Variants in GSE1 observed in about 807,000 individuals in gnomAD.
GSE1 encodes the protein Gse1 coiled-coil protein, also known as genetic suppressor element 1.
In GSE1, 32 loss-of-function variants were observed where a neutral mutation model predicts 112.6. The ratio of observed to expected loss-of-function variants is 0.28; its 90% CI spans 0.21 to 0.38. GSE1 has a LOEUF of 0.38. Ranked by LOEUF, GSE1 falls within the 10% of genes least tolerant of loss-of-function variation. GSE1 has a pLI of 1.00. For missense variants in GSE1, 2,348 were observed against 1,699.2 expected, an observed-to-expected ratio of 1.38 and a Z score of -6.71; for synonymous variants, 1,115 against 735.6, an observed-to-expected ratio of 1.52 and a Z score of -8.35.
chr16:85,361,114 G>C (rs927530510), intron 2 of GSE1, among the ~76,000 whole-genome samples: 18 of 132,926 alleles, frequency 1.4e-4, no homozygotes, highest in South Asian at 7.6e-4. Context: ...GGCAGAGACA[G>C]ACAGAGACAG....
At chr16:85,248,062 T>G (rs1906051953) in intron 1 of GSE1, among the ~76,000 whole-genome samples, 1 of 152,180 alleles carries the variant, frequency 6.6e-6, no homozygotes, top group African/African-American at 2.4e-5. Flanking sequence ...CCCAGCTCTG[T>G]CCACCTGCCT....
intron 2 of GSE1, among the ~76,000 whole-genome samples, chr16:85,493,519 C>T (rs1025577131): frequency 5.9e-5 from 9 of 151,924 alleles, no homozygotes; most frequent in East Asian, 3.9e-4. Flanking sequence ...TTTGGGAGGC[C>T]GAGGCAGGCG....
intron 1 of GSE1, among the ~76,000 whole-genome samples, chr16:85,319,107 AGTATCGC>A (rs1216451421): frequency 6.6e-6 from 1 of 152,152 alleles, no homozygotes; most frequent in Non-Finnish European, 1.5e-5. Flanking sequence ...ATAGGCCCTC[AGTATCGC>A]TCACCCCCTC....
intron 2 of GSE1, among the ~76,000 whole-genome samples, chr16:85,524,964 C>T (rs1029418778): frequency 2.4e-4 from 36 of 152,300 alleles, no homozygotes; most frequent in African/African-American, 7.7e-4. Flanking sequence ...AGTGAGTCCC[C>T]GCCATGCCCG....
intron 1 of GSE1, among the ~76,000 whole-genome samples, chr16:85,351,854 G>T (rs767868273): frequency 9.9e-5 from 15 of 152,228 alleles, no homozygotes; most frequent in Non-Finnish European, 8.8e-5. Context: ...GCTGGGCCTG[G>T]TGGCGGCCAC....
At chr16:85,210,941 G>A (rs929733902) in intron 1 of GSE1, among the ~76,000 whole-genome samples, 11 of 152,182 alleles carry the variant, frequency 7.2e-5, no homozygotes, top group African/African-American at 1.2e-4. Flanking sequence ...TCTGGGCCTC[G>A]GGTTCCTTCT....
intron 2 of GSE1, among the ~76,000 whole-genome samples, chr16:85,531,663 C>G (rs139621379): frequency 6.1e-4 from 93 of 152,360 alleles, no homozygotes; most frequent in African/African-American, 2.1e-3. Context: ...GCCGGGATGT[C>G]TTTTGTGTGA....
chr16:85,331,373 GTA>G (rs376286455), intron 1 of GSE1, among the ~76,000 whole-genome samples: 17 of 84,442 alleles, frequency 2.0e-4, no homozygotes, highest in Non-Finnish European at 2.9e-4. Flanking sequence ...GTGTATATAT[GTA>G]TATATATGTA....
chr16:85,498,466 C>T (rs1276551761), intron 2 of GSE1, among the ~76,000 whole-genome samples: 1 of 152,130 alleles, frequency 6.6e-6, no homozygotes, highest in Non-Finnish European at 1.5e-5. Flanking sequence ...TGTGCATATA[C>T]ATGCATAGAT....
Position 85,673,935 on chromosome 16 carries a change from C to G in GSE1, c.*1396C>G, listed in dbSNP as rs1383384142. The G allele has an allele frequency of 6.6e-6, 1 of 152,248 alleles. No individual in the cohort carries two copies. Among genetic ancestry groups the G allele is most frequent in the Non-Finnish European group, 1.5e-5 (1 of 68,052 alleles). The allele number at this position is 152,248 out of a possible 1,614,324, so 9.4% of individuals were successfully genotyped here. A position where few individuals can be genotyped will look rare whatever the true frequency, so the allele number is the denominator to read the frequency against. ...CTTTGTAAAAGCCACAAGGTCTGAG[C>G]TGAACCCCTCCTTTTTGAACTTACT... is the stretch of plus-strand genomic sequence containing the variant. On this transcript the variant is annotated 3_prime_UTR_variant, in exon 16 of 16. Transcript: ENST00000253458.
intron 1 of GSE1, among the ~76,000 whole-genome samples, chr16:85,292,940 A>G (rs2045265020): frequency 6.6e-6 from 1 of 152,160 alleles, no homozygotes; most frequent in Non-Finnish European, 1.5e-5. Context: ...TTTATTTTTT[A>G]TTGGCTTTAT....
upstream of GSE1, among the ~76,000 whole-genome samples, chr16:85,610,973 G>A (rs1018319307): frequency 3.3e-5 from 5 of 152,216 alleles, no homozygotes; most frequent in Non-Finnish European, 7.3e-5. Context: ...GTGGTTGGCC[G>A]TCGTGGTCCT....
intron 1 of GSE1, among the ~76,000 whole-genome samples, chr16:85,271,035 A>G (rs1275764397): frequency 6.6e-6 from 1 of 152,156 alleles, no homozygotes; most frequent in Admixed American, 6.5e-5. Context: ...CCTGTCCCCA[A>G]AAGGATCTCT....
chr16:85,340,507 A>G (rs1417543503), intron 1 of GSE1, among the ~76,000 whole-genome samples: 1 of 152,030 alleles, frequency 6.6e-6, no homozygotes, highest in Non-Finnish European at 1.5e-5. Context: ...TGGGTGTGGT[A>G]GTGCACACCT....
chr16:85,443,982 C>CTTT (rs67916368), intron 2 of GSE1, among the ~76,000 whole-genome samples: 19,743 of 77,494 alleles, frequency 0.25, 3,904 homozygotes, highest in South Asian at 0.34. Flanking sequence ...CAAGGGGGCG[C>CTTT]TTTTTTTTTT....
At chr16:85,546,178 G>A (rs1053150543) in intron 2 of GSE1, among the ~76,000 whole-genome samples, 20 of 152,228 alleles carry the variant, frequency 1.3e-4, no homozygotes, top group South Asian at 1.2e-3. Context: ...TCCGCCTCCC[G>A]GGTTCAAGCA....
At chr16:85,644,963 G>A (rs1195545253) in intron 2 of GSE1, among the ~76,000 whole-genome samples, 1 of 151,920 alleles carries the variant, frequency 6.6e-6, no homozygotes, top group African/African-American at 2.4e-5. Context: ...AAAGCGCCTA[G>A]ACTGCCAGTG....
chr16:85,525,257 C>CG (rs887401721), intron 2 of GSE1, among the ~76,000 whole-genome samples: 3 of 152,072 alleles, frequency 2.0e-5, no homozygotes, highest in South Asian at 2.1e-4. Flanking sequence ...TTGTCCCCCC[C>CG]CCACTGATGG....
rs2053572360 is a variant in GSE1 at position 85,674,466 on chromosome 16, G to A, written c.*1927G>A. 6.6e-6 allele frequency: 1 copy of A among 152,234 alleles called. No individual in the cohort carries two copies. Among genetic ancestry groups the A allele is most frequent in the South Asian group, 2.1e-4 (1 of 4,828 alleles). 9.4% of individuals were successfully genotyped at this position (152,234 alleles called of 1,614,324 possible). On this transcript the variant is annotated 3_prime_UTR_variant, in exon 16 of 16. Transcript: ENST00000253458. ...ACTGGGAGGTCAGCATGTTCCACAG[G>A]TGTTCAGAGGGAGTCTGCTACAAAC...
Sources: allele counts gnomAD v4.1 joint callset (sites outside exome capture counted in the v4.1 genomes callset), GRCh38; gene constraint gnomAD v4.1.1; transcripts MANE v1.5; gene names NCBI Gene and HGNC (gene_info 2026-07-23, HGNC 2026-07-21).